Variants in SLC44A5 observed in about 807,000 individuals in gnomAD.
SLC44A5 encodes solute carrier family 44 member 5, also known as choline transporter-like protein 5.
In SLC44A5, 57 loss-of-function variants were observed where a neutral mutation model predicts 101.8. The ratio of observed to expected loss-of-function variants is 0.56; its 90% CI spans 0.45 to 0.70. The LOEUF (loss-of-function observed/expected upper bound fraction) is 0.70. Ranked by LOEUF, SLC44A5 falls within the 30% of genes least tolerant of loss-of-function variation. SLC44A5 has a pLI of 0.00. For missense variants in SLC44A5, 737 were observed against 853.1 expected (o/e 0.86, Z 1.70); for synonymous variants, 281 against 290.9 (o/e 0.97, Z 0.35).
At chr1:75,683,496 T>C in the SLC44A5 span, among the ~76,000 whole-genome samples, 93,311 of 151,438 alleles carry the variant, frequency 0.62, 28,780 homozygotes, top group South Asian at 0.72. Flanking sequence ...CTCAGTAAAC[T>C]ATCACAAGAA....
chr1:75,649,981 T>A, the SLC44A5 span, among the ~76,000 whole-genome samples: 5 of 152,238 alleles, frequency 3.3e-5, no homozygotes, highest in Non-Finnish European at 7.3e-5. Flanking sequence ...GCCTGATTTA[T>A]AATAACAATC....
chr1:75,273,162 G>C (rs1013909234), intron 6 of SLC44A5, among the ~76,000 whole-genome samples: 3 of 151,996 alleles, frequency 2.0e-5, no homozygotes, highest in Non-Finnish European at 4.4e-5. Context: ...AAGGAATTGA[G>C]TTCTTGATTT....
At chr1:75,578,136 A>G (rs983696590) in intron 1 of SLC44A5, among the ~76,000 whole-genome samples, 13 of 152,182 alleles carry the variant, frequency 8.5e-5, no homozygotes, top group African/African-American at 3.1e-4. Flanking sequence ...AACAATCCAT[A>G]AATACAGTTT....
At chr1:75,625,597 T>C in the SLC44A5 span, among the ~76,000 whole-genome samples, 1 of 152,182 alleles carries the variant, frequency 6.6e-6, no homozygotes, top group African/African-American at 2.4e-5. Context: ...TGATACACTT[T>C]GTGACTTTTG....
chr1:75,481,848 G>T (rs568407276), intron 2 of SLC44A5, among the ~76,000 whole-genome samples: 2 of 152,202 alleles, frequency 1.3e-5, no homozygotes, highest in South Asian at 2.1e-4. Flanking sequence ...TTAGTGTGGC[G>T]ATTCCTCAGG....
chr1:75,696,542 C>G, the SLC44A5 span, among the ~76,000 whole-genome samples: 1 of 152,102 alleles, frequency 6.6e-6, no homozygotes, highest in Non-Finnish European at 1.5e-5. Context: ...GTCATCAAAT[C>G]AAGTACCAAC....
chr1:75,388,371 T>C (rs1044802850), intron 3 of SLC44A5, among the ~76,000 whole-genome samples: 3 of 151,580 alleles, frequency 2.0e-5, no homozygotes, highest in Non-Finnish European at 2.9e-5. Context: ...CATAAGTACA[T>C]AGTCCACAGA....
intron 1 of SLC44A5, among the ~76,000 whole-genome samples, chr1:75,560,624 T>C (rs1436292432): frequency 6.6e-6 from 1 of 152,166 alleles, no homozygotes; most frequent in Non-Finnish European, 1.5e-5. Context: ...AAAGTACACT[T>C]TAAAAATTGC....
At chr1:75,436,291 T>G (rs182443255) in intron 2 of SLC44A5, among the ~76,000 whole-genome samples, 1 of 152,286 alleles carries the variant, frequency 6.6e-6, no homozygotes, top group East Asian at 1.9e-4. Context: ...GGCTTCCTTC[T>G]GTATTATACA....
intron 7 of SLC44A5, 74 bp downstream of exon 7, chr1:75,251,136 T>C (rs1223118901): frequency 1.6e-6 from 2 of 1,218,598 alleles, no homozygotes; most frequent in Non-Finnish European, 2.4e-6. Context: ...AGAACTCAAA[T>C]GGAATTTCTC....
chr1:75,652,027 C>T, the SLC44A5 span, among the ~76,000 whole-genome samples: 1 of 152,148 alleles, frequency 6.6e-6, no homozygotes, highest in Non-Finnish European at 1.5e-5. Context: ...GGGGCTCAAG[C>T]ATGCTTATTA....
chr1:75,395,286 C>G (rs912826686), intron 3 of SLC44A5, among the ~76,000 whole-genome samples: 18 of 152,110 alleles, frequency 1.2e-4, no homozygotes, highest in Non-Finnish European at 1.6e-4. Context: ...CATTTTGAGG[C>G]AGAATGATTC....
chr1:75,655,230 C>T, the SLC44A5 span, among the ~76,000 whole-genome samples: 5 of 152,130 alleles, frequency 3.3e-5, no homozygotes, highest in African/African-American at 4.8e-5. Context: ...ATAATCTGTT[C>T]ACCAATCCCC....
intron 3 of SLC44A5, among the ~76,000 whole-genome samples, chr1:75,342,594 A>G (rs1657969146): frequency 6.6e-6 from 1 of 152,192 alleles, no homozygotes; most frequent in East Asian, 1.9e-4. Context: ...CTCACTGGTC[A>G]TTTTAAAGTA....
At chr1:75,506,875 GTAGGAA>G (rs1421423164) in intron 2 of SLC44A5, among the ~76,000 whole-genome samples, 2 of 146,770 alleles carry the variant, frequency 1.4e-5, no homozygotes, top group African/African-American at 5.0e-5. Context: ...TTGAAGAGGA[GTAGGAA>G]TCCTTGTCTG....
intron 3 of SLC44A5, among the ~76,000 whole-genome samples, chr1:75,365,181 T>C (rs1159541847): frequency 6.6e-6 from 1 of 152,158 alleles, no homozygotes; most frequent in African/African-American, 2.4e-5. Context: ...TATTTTAAGT[T>C]CAGGGGTACA....
intron 5 of SLC44A5, among the ~76,000 whole-genome samples, chr1:75,299,807 A>T (rs1394835310): frequency 6.6e-6 from 1 of 151,422 alleles, no homozygotes; most frequent in Admixed American, 6.6e-5. Flanking sequence ...TCAGGAGATC[A>T]AGACCATCCT....
intron 2 of SLC44A5, among the ~76,000 whole-genome samples, chr1:75,515,413 T>C (rs568795609): frequency 6.6e-6 from 1 of 152,216 alleles, no homozygotes; most frequent in Non-Finnish European, 1.5e-5. Context: ...ATTTTGTACC[T>C]TTAACCATTA....
At chr1:75,470,719 G>C (rs1213710984) in intron 2 of SLC44A5, among the ~76,000 whole-genome samples, 2 of 151,186 alleles carry the variant, frequency 1.3e-5, no homozygotes, top group African/African-American at 2.4e-5. Flanking sequence ...AGGCCAGAGA[G>C]AAGCGTGACC....
Sources: gnomAD v4.1 joint callset for allele counts (sites outside exome capture counted in the v4.1 genomes callset) on GRCh38, gnomAD v4.1.1 for gene constraint, MANE v1.5 for transcripts, NCBI Gene and HGNC (gene_info 2026-07-23, HGNC 2026-07-21) for gene names.